LRMDA: variants seen among roughly 807,000 people sequenced by gnomAD.
LRMDA encodes the protein leucine-rich melanocyte differentiation-associated protein.
A neutral mutation model predicts 29.8 loss-of-function variants in LRMDA; 18 were observed. The observed-to-expected ratio is 0.60, with a 90% CI of 0.42 to 0.90. The LOEUF (loss-of-function observed/expected upper bound fraction) is 0.90. LRMDA is among the 40% of genes least tolerant of loss of function. The pLI is 0.00. For synonymous variants in LRMDA, 125 were observed against 109.4 expected, an observed-to-expected ratio of 1.14 and a Z score of -0.89; for missense variants, 273 against 273.9, an observed-to-expected ratio of 1.00 and a Z score of 0.02.
intron 6 of LRMDA, among the ~76,000 whole-genome samples, chr10:76,477,146 A>G (rs1842682647): frequency 6.6e-6 from 1 of 152,140 alleles, no homozygotes; most frequent in African/African-American, 2.4e-5. Context: ...GTATATCTAG[A>G]AAACCCCATC....
chr10:75,984,286 G>C (rs1847224593), intron 2 of LRMDA, among the ~76,000 whole-genome samples: 1 of 151,422 alleles, frequency 6.6e-6, no homozygotes, highest in Non-Finnish European at 1.5e-5. Flanking sequence ...CTGCGGGGAG[G>C]ATATCCAAAC....
At chr10:75,885,825 AAAAGTGCTCGCTGAGCTCCAT>A (rs1445641277) in intron 2 of LRMDA, among the ~76,000 whole-genome samples, 2 of 152,254 alleles carry the variant, frequency 1.3e-5, no homozygotes, top group East Asian at 3.8e-4. Context: ...ATGCCTCCTC[AAAAGTGCTCGCTGAGCTCCAT>A]TGCAGCAGGG....
chr10:76,248,589 G>A (rs963648856), intron 5 of LRMDA, among the ~76,000 whole-genome samples: 190 of 152,162 alleles, frequency 1.2e-3, no homozygotes, highest in African/African-American at 3.7e-3. Context: ...ATTGAATACC[G>A]GAGGGAAGGA....
chr10:76,165,294 A>G (rs1194007286), intron 5 of LRMDA, among the ~76,000 whole-genome samples: 1 of 150,676 alleles, frequency 6.6e-6, no homozygotes, highest in African/African-American at 2.4e-5. Flanking sequence ...TTTTTTTGAG[A>G]CAGAGTCTTG....
intron 2 of LRMDA, among the ~76,000 whole-genome samples, chr10:75,925,071 G>C (rs1846096970): frequency 6.6e-6 from 1 of 152,168 alleles, no homozygotes. Flanking sequence ...GGAGTATGCA[G>C]TCCATTCTCC....
intron 2 of LRMDA, among the ~76,000 whole-genome samples, chr10:75,618,357 T>A (rs1338847018): frequency 1.2e-5 from 1 of 85,630 alleles, no homozygotes; most frequent in Admixed American, 1.2e-4. Flanking sequence ...TTTACCAGAC[T>A]CTCTCTCTCT....
intron 2 of LRMDA, among the ~76,000 whole-genome samples, chr10:75,944,269 A>G (rs779392604): frequency 6.6e-6 from 1 of 152,104 alleles, no homozygotes; most frequent in Admixed American, 6.5e-5. Flanking sequence ...TGGGAAGTCA[A>G]TTGTCACTAT....
intron 2 of LRMDA, among the ~76,000 whole-genome samples, chr10:75,952,199 G>C (rs2132420935): frequency 6.6e-6 from 1 of 152,120 alleles, no homozygotes; most frequent in African/African-American, 2.4e-5. Flanking sequence ...CCCGCCGATT[G>C]CTCCTCGTTT....
chr10:75,854,750 G>A (rs1306730315), intron 2 of LRMDA, among the ~76,000 whole-genome samples: 1 of 151,150 alleles, frequency 6.6e-6, no homozygotes, highest in East Asian at 2.0e-4. Flanking sequence ...CCCAGTGTGT[G>A]ATGTTCCCTT....
chr10:76,416,533 G>A (rs1330433664), intron 6 of LRMDA, among the ~76,000 whole-genome samples: 1 of 152,142 alleles, frequency 6.6e-6, no homozygotes, highest in Non-Finnish European at 1.5e-5. Context: ...AAAGCAATTT[G>A]TAAACAATAA....
chr10:76,040,368 C>G (rs1415124783), intron 3 of LRMDA, among the ~76,000 whole-genome samples: 1 of 152,186 alleles, frequency 6.6e-6, no homozygotes, highest in Non-Finnish European at 1.5e-5. Context: ...GCTGGACCTC[C>G]CATCTTTTTC....
chr10:76,214,591 A>G (rs1024010548), intron 5 of LRMDA, among the ~76,000 whole-genome samples: 2 of 150,754 alleles, frequency 1.3e-5, no homozygotes, highest in Non-Finnish European at 3.0e-5. Context: ...TGATCCACCC[A>G]CCTCGGCCTC....
intron 3 of LRMDA, 144 bp from the exon 4 acceptor site, chr10:76,047,020 C>A: frequency 1.1e-6 from 1 of 869,624 alleles, no homozygotes; most frequent in East Asian, 2.5e-5. Flanking sequence ...GTAGCAATAC[C>A]GTATACCCAC....
intron 2 of LRMDA, among the ~76,000 whole-genome samples, chr10:75,982,252 A>G (rs1847185540): frequency 6.6e-6 from 1 of 152,210 alleles, no homozygotes; most frequent in African/African-American, 2.4e-5. Flanking sequence ...AGGCTGAGTG[A>G]AAGCTGAACT....
rs1183989010 is a variant in LRMDA at position 75,578,215 on chromosome 10, C to CAAA, written c.131+139743_131+139745dup. ...GTATATTTACCAAGCAAATGGAAAG[C>CAAA]AAAAAAAAAAAAAAAAAAAAAAAAG... is the stretch of plus-strand genomic sequence containing the variant. On this transcript the variant is annotated intron_variant, in intron 2 of 6. Coordinates refer to ENST00000611255, the MANE Select transcript of LRMDA (RefSeq NM_001305581.2). 4.6e-3 allele frequency among the ~76,000 whole-genome samples: 65 copies of CAAA among 14,212 alleles called. 1 individual carries two copies. The highest frequency in any genetic ancestry group is 5.9e-3 in the Non-Finnish European group (35 of 5,884). 9.3% of individuals were successfully genotyped at this position (14,212 alleles called of 152,430 possible).
At chr10:75,876,438 G>A (rs1218526598) in intron 2 of LRMDA, among the ~76,000 whole-genome samples, 1 of 151,986 alleles carries the variant, frequency 6.6e-6, no homozygotes, top group African/African-American at 2.4e-5. Flanking sequence ...AAGGAGAGAG[G>A]CCCTCGCGGG....
intron 6 of LRMDA, among the ~76,000 whole-genome samples, chr10:76,542,420 G>T (rs1471853950): frequency 1.3e-5 from 2 of 152,154 alleles, no homozygotes; most frequent in East Asian, 1.9e-4. Flanking sequence ...GAATTTTAGG[G>T]TCTGGGATTG....
intron 2 of LRMDA, among the ~76,000 whole-genome samples, chr10:75,687,802 A>ATT (rs1842100839): frequency 1.3e-5 from 2 of 152,208 alleles, no homozygotes; most frequent in African/African-American, 2.4e-5. Context: ...TTTAGGGGGT[A>ATT]CTGCAGCTGG....
chr10:75,533,604 G>T (rs534761994), intron 2 of LRMDA, among the ~76,000 whole-genome samples: 1 of 152,272 alleles, frequency 6.6e-6, no homozygotes, highest in African/African-American at 2.4e-5. Flanking sequence ...ATGTTTTCTT[G>T]TCTCTTGATG....
Sources: allele counts gnomAD v4.1 joint callset (sites outside exome capture counted in the v4.1 genomes callset), GRCh38; gene constraint gnomAD v4.1.1; transcripts MANE v1.5; gene names NCBI Gene and HGNC (gene_info 2026-07-23, HGNC 2026-07-21).